Variants in VAV2 observed in about 807,000 individuals in gnomAD.
VAV2 encodes the protein guanine nucleotide exchange factor VAV2.
In VAV2, 67 loss-of-function variants were observed where a neutral mutation model predicts 132.5. The ratio of observed to expected loss-of-function variants is 0.51; its 90% CI spans 0.42 to 0.62. The LOEUF (loss-of-function observed/expected upper bound fraction) is 0.62. Ranked by LOEUF, VAV2 falls within the 20% of genes least tolerant of loss-of-function variation. VAV2 has a pLI of 0.00. For missense variants in VAV2, 938 were observed against 1,153.6 expected, an observed-to-expected ratio of 0.81 and a Z score of 2.71; for synonymous variants, 492 against 443.5, an observed-to-expected ratio of 1.11 and a Z score of -1.37.
chr9:133,770,084 C>T (rs772913562), intron 27 of VAV2, among the ~76,000 whole-genome samples: 9 of 152,234 alleles, frequency 5.9e-5, no homozygotes, highest in Non-Finnish European at 1.0e-4. Context: ...TGTGACAGCT[C>T]CATGCGCAGG....
rs1838638808 is a variant in VAV2 at position 133,884,852 on chromosome 9, G to C, written c.322-23420C>G. The stretch of plus-strand genomic sequence containing the variant: ...GCAGGCAGCTCTATCAGAGACCACA[G>C]GTGCACACAAGCATCCCCTCCCACT... On this transcript the variant is annotated intron_variant, in intron 2 of 29. Transcript: ENST00000371850. This position sits in a 1 kb window ranked among gnomAD's most constrained non-coding sequence, Gnocchi z 5.3. 6.6e-6 allele frequency among the ~76,000 whole-genome samples: 1 copy of C among 152,068 alleles called. No homozygotes were observed. Among genetic ancestry groups the C allele is most frequent in the Non-Finnish European group, 1.5e-5 (1 of 68,026 alleles).
intron 2 of VAV2, among the ~76,000 whole-genome samples, chr9:133,933,328 TCTC>T (rs1353064958): frequency 6.6e-6 from 1 of 152,266 alleles, no homozygotes; most frequent in African/African-American, 2.4e-5. Flanking sequence ...ACTACGTGAG[TCTC>T]CTCATTTTAA....
At chr9:133,810,063 T>C (rs1835301853) in intron 6 of VAV2, 128 bp downstream of exon 6, 3 of 1,358,504 alleles carry the variant, frequency 2.2e-6, no homozygotes, top group East Asian at 2.5e-5. Flanking sequence ...CCTGAAGTCA[T>C]GTGTGCCTGA....
intron 2 of VAV2, among the ~76,000 whole-genome samples, chr9:133,906,644 T>C (rs889919333): frequency 1.3e-5 from 2 of 152,214 alleles, no homozygotes; most frequent in African/African-American, 2.4e-5. Flanking sequence ...CCCCACACCC[T>C]GGACCTCTGC....
chr9:133,969,644 C>A lies in VAV2; in HGVS notation c.204+22431G>T, dbSNP rs529960534. Reference sequence around the variant, plus strand: ...CCCTAGGGCCAACTCCAGATGAGCCCCACTGTCCATCGCACTGCTCAAGCC... The same window carrying A: ...CCCTAGGGCCAACTCCAGATGAGCCACACTGTCCATCGCACTGCTCAAGCC... On this transcript the variant is annotated intron_variant, in intron 1 of 29. Coordinates refer to ENST00000371850, the MANE Select transcript of VAV2 (RefSeq NM_001134398.2). The surrounding 1 kb of genome is among the most constrained non-coding windows in gnomAD (Gnocchi z 5.1). 9.9e-5 allele frequency among the ~76,000 whole-genome samples: 15 copies of A among 152,260 alleles called. No individual in the cohort carries two copies. The highest frequency in any genetic ancestry group is 3.4e-4 in the African/African-American group (14 of 41,534).
chr9:133,972,053 C>T (rs936486541), intron 1 of VAV2, among the ~76,000 whole-genome samples: 7 of 152,180 alleles, frequency 4.6e-5, no homozygotes, highest in African/African-American at 1.7e-4. Flanking sequence ...GACCAAGCCC[C>T]AATTCCTGTC....
At chr9:133,971,015 A>T (rs778582291) in intron 1 of VAV2, among the ~76,000 whole-genome samples, 3 of 152,236 alleles carry the variant, frequency 2.0e-5, no homozygotes, top group Non-Finnish European at 2.9e-5. Flanking sequence ...TGAAATAAAA[A>T]ATATATATAT....
At chr9:133,897,244 A>G (rs951791858) in intron 2 of VAV2, among the ~76,000 whole-genome samples, 19 of 152,190 alleles carry the variant, frequency 1.2e-4, no homozygotes, top group African/African-American at 4.6e-4. Flanking sequence ...TTTGAGCAGC[A>G]GCAAGAGACT....
intron 1 of VAV2, among the ~76,000 whole-genome samples, chr9:133,947,362 A>G (rs1841396999): frequency 6.6e-6 from 1 of 152,074 alleles, no homozygotes; most frequent in Non-Finnish European, 1.5e-5. Context: ...CACCCATTTT[A>G]CAGATGAGGA....
chr9:133,860,226 C>T (rs1020370868), intron 3 of VAV2, among the ~76,000 whole-genome samples: 4 of 151,320 alleles, frequency 2.6e-5, no homozygotes, highest in African/African-American at 7.3e-5. Context: ...GGTGTGAACC[C>T]GGGAGACGGA....
At position 133,794,890 on chromosome 9, in the gene VAV2, A is replaced by G. The variant is rs7025087; in HGVS notation, c.1101+778T>C. 0.55 allele frequency among the ~76,000 whole-genome samples: 83,868 copies of G among 152,106 alleles called. 23,567 individuals are homozygous for G. The highest frequency in any genetic ancestry group is 0.65 in the African/African-American group (26,857 of 41,502). On this transcript the variant is annotated intron_variant, in intron 12 of 29. Coordinates refer to ENST00000371850, the MANE Select transcript of VAV2 (RefSeq NM_001134398.2). The surrounding 1 kb of genome is among the most constrained non-coding windows in gnomAD (Gnocchi z 4.6). ...ACGAGGAAGCCAGTTCCCTGAGGAC[A>G]GAACCCAGTGGGGGGCGATCCTCCC...
chr9:133,911,912 A>C (rs1839898634), intron 2 of VAV2, among the ~76,000 whole-genome samples: 1 of 152,218 alleles, frequency 6.6e-6, no homozygotes, highest in Admixed American at 6.5e-5. Context: ...CCAAGAAAGT[A>C]AGTCAGATTT....
At chr9:133,913,029 G>A (rs950038353) in intron 2 of VAV2, among the ~76,000 whole-genome samples, 16 of 152,184 alleles carry the variant, frequency 1.1e-4, no homozygotes, top group Middle Eastern at 3.2e-3. Flanking sequence ...GCACACCCAG[G>A]GCTGTTCGCA....
At chr9:133,908,691 G>C (rs376050600) in intron 2 of VAV2, among the ~76,000 whole-genome samples, 3 of 152,362 alleles carry the variant, frequency 2.0e-5, no homozygotes, top group African/African-American at 7.2e-5. Flanking sequence ...GTGGGTCTGC[G>C]CCTCCACTAT....
At chr9:133,783,687 C>A in intron 18 of VAV2, 96 bp from the exon 19 acceptor site, 1 of 1,101,668 alleles carries the variant, frequency 9.1e-7, no homozygotes, top group Admixed American at 1.8e-5. Flanking sequence ...CCAGGCTCAC[C>A]TGGCTGGCTG....
Position 133,884,272 on chromosome 9 carries a change from A to G in VAV2, c.322-22840T>C, listed in dbSNP as rs898277397. Reference sequence around the variant, plus strand: ...ACCTAGATGAGCAGCACGGGAGCACACTGAATGAACATGTGATCATTACCC... The same window carrying G: ...ACCTAGATGAGCAGCACGGGAGCACGCTGAATGAACATGTGATCATTACCC... On this transcript the variant is annotated intron_variant, in intron 2 of 29. Transcript: ENST00000371850. This position sits in a 1 kb window ranked among gnomAD's most constrained non-coding sequence, Gnocchi z 5.3. 2.6e-5 allele frequency among the ~76,000 whole-genome samples: 4 copies of G among 152,182 alleles called. No homozygotes were observed. In the East Asian group the frequency reaches 7.7e-4, roughly 29 times the overall value.
At chr9:133,820,946 G>A (rs929757921) in intron 4 of VAV2, among the ~76,000 whole-genome samples, 2 of 101,096 alleles carry the variant, frequency 2.0e-5, no homozygotes, top group Non-Finnish European at 4.0e-5. Context: ...GAACCAGAGC[G>A]CCAGCCCCAC....
At chr9:133,902,913 T>C (rs1371848435) in intron 2 of VAV2, among the ~76,000 whole-genome samples, 3 of 151,808 alleles carry the variant, frequency 2.0e-5, no homozygotes, top group African/African-American at 4.8e-5. Context: ...CCATCTCTAC[T>C]AAAAATACAA....
intron 1 of VAV2, among the ~76,000 whole-genome samples, chr9:133,940,571 C>A (rs1298903840): frequency 6.6e-6 from 1 of 152,176 alleles, no homozygotes; most frequent in Non-Finnish European, 1.5e-5. Flanking sequence ...ACCCCAGCCC[C>A]TTCTGCCTCA....
Sources: allele counts gnomAD v4.1 joint callset (sites outside exome capture counted in the v4.1 genomes callset), GRCh38; gene constraint gnomAD v4.1.1; non-coding constraint Gnocchi (gnomAD v3.1); transcripts MANE v1.5; gene names NCBI Gene and HGNC (gene_info 2026-07-23, HGNC 2026-07-21).